ETS2: variants seen among roughly 807,000 people sequenced by gnomAD.
ETS2 encodes ETS proto-oncogene 2, transcription factor.
ETS2 carries 19 observed loss-of-function variants against 54.9 expected under a neutral mutation model. The ratio of observed to expected loss-of-function variants is 0.35; its 90% CI spans 0.24 to 0.51. ETS2 has a LOEUF of 0.51. ETS2 is among the 20% of genes least tolerant of loss of function. The probability of loss-of-function intolerance (pLI) is 0.97; values close to 1 mark genes in which losing one functional copy is unlikely to be tolerated. For synonymous variants in ETS2, 219 were observed against 229.3 expected (o/e 0.95, Z 0.41); for missense variants, 417 against 593.0 (o/e 0.70, Z 3.08).
intron 8 of ETS2, among the ~76,000 whole-genome samples, chr21:38,820,252 C>T (rs1014216541): frequency 2.0e-5 from 3 of 152,188 alleles, no homozygotes; most frequent in African/African-American, 7.2e-5. Flanking sequence ...TTTTTAGAAA[C>T]AGGTATTTCC....
At position 38,821,603 on chromosome 21, in the gene ETS2, C is replaced by T; in HGVS notation, c.1093C>T (p.Leu365=). The T allele has an allele frequency of 6.2e-7, 1 of 1,613,414 alleles. No homozygotes were observed. The highest frequency in any genetic ancestry group is 1.1e-5 in the South Asian group (1 of 91,068). ...AGFTGSGPIQ[L]WQFLLELLSD... is the part of the protein sequence containing the mutation. ...CCCCGCAGGAAGTGGACCTATTCAG[C>T]TGTGGCAGTTTCTCCTGGAGCTGCT... The change falls in exon 9 of 10, where the codon CTG becomes TTG. Residue 365 remains leucine, a synonymous_variant. Coordinates refer to ENST00000360938, the MANE Select transcript of ETS2 (RefSeq NM_005239.6). This position sits in a 1 kb window ranked among gnomAD's most constrained non-coding sequence, Gnocchi z 4.2.
intron 2 of ETS2, 32 bp downstream of exon 2, chr21:38,810,138 A>G: frequency 7.5e-7 from 1 of 1,336,692 alleles, no homozygotes; most frequent in Admixed American, 2.7e-5. Context: ...TTTTTTTTTA[A>G]TTGGAAAACT....
At chr21:38,822,635 A>C (rs1234149009) in intron 9 of ETS2, 39 bp from the exon 10 acceptor site, 6 of 1,537,758 alleles carry the variant, frequency 3.9e-6, no homozygotes, top group Non-Finnish European at 5.4e-6. Context: ...CTTCATTGAC[A>C]AATTGAGTTT....
intron 7 of ETS2, among the ~76,000 whole-genome samples, chr21:38,819,107 G>A (rs1021185265): frequency 6.6e-5 from 10 of 152,156 alleles, no homozygotes; most frequent in African/African-American, 1.9e-4. Flanking sequence ...AGAAGGGAAC[G>A]ATTCTGACTT....
chr21:38,809,853 G>A, intron 1 of ETS2, 182 bp from the exon 2 acceptor site: 1 of 534,594 alleles, frequency 1.9e-6, no homozygotes, highest in Non-Finnish European at 3.3e-6. Context: ...TTGTGATACT[G>A]AGAAATGCTT....
intron 9 of ETS2, 41 bp from the exon 10 acceptor site, chr21:38,822,633 A>G (rs766129241): frequency 6.5e-7 from 1 of 1,530,530 alleles, no homozygotes. Flanking sequence ...TTCTTCATTG[A>G]CAAATTGAGT....
chr21:38,813,297 G>A (rs2060920708), intron 3 of ETS2, among the ~76,000 whole-genome samples, 183 bp downstream of exon 3: 1 of 152,188 alleles, frequency 6.6e-6, no homozygotes, highest in Admixed American at 6.5e-5. Flanking sequence ...TTCTGATGTG[G>A]ATTCTGATGT....
At chr21:38,822,390 C>T (rs1048491348) in intron 9 of ETS2, among the ~76,000 whole-genome samples, 1 of 152,208 alleles carries the variant, frequency 6.6e-6, no homozygotes, top group Non-Finnish European at 1.5e-5. Context: ...TCTCAGGACC[C>T]TCCTGGCTCT....
intron 2 of ETS2, among the ~76,000 whole-genome samples, chr21:38,811,380 T>A (rs561408342): frequency 6.6e-6 from 1 of 152,228 alleles, no homozygotes; most frequent in African/African-American, 2.4e-5. Context: ...CAGTTGGTCA[T>A]CATTGACTTG....
At position 38,806,134 on chromosome 21, in the gene ETS2, C is replaced by G; in HGVS notation, c.-1+14C>G. ...CGCAGCGGCAGGGTAAGAGCTGGGC[C>G]CGCAGAGAGCGCCCGGCGCGCGGCT... is the stretch of plus-strand genomic sequence containing the variant. On this transcript the variant is annotated intron_variant, in intron 1 of 9. Coordinates refer to ENST00000360938, the MANE Select transcript of ETS2 (RefSeq NM_005239.6). The surrounding 1 kb of genome is among the most constrained non-coding windows in gnomAD (Gnocchi z 4.3). 3.0e-6 allele frequency: 3 copies of G among 1,013,772 alleles called. No homozygotes were observed. The highest frequency in any genetic ancestry group is 3.5e-6 in the Non-Finnish European group (3 of 847,588). The allele number at this position is 1,013,772 out of a possible 1,614,324, so 62.8% of individuals were successfully genotyped here.
In ETS2 at chr21:38,819,597, G is replaced by A. The variant is rs1450207146; in HGVS notation, c.906G>A (p.Leu302=). ...AGTCCTGGAACAGCCAGTCGTCCTTGCTGGATGTGCAACGGGTTCCTTCCT... is the reference window on the plus strand; with the variant it reads ...AGTCCTGGAACAGCCAGTCGTCCTTACTGGATGTGCAACGGGTTCCTTCCT... ...LLQSWNSQSS[L]LDVQRVPSFE... is the part of the protein sequence containing the mutation. The change falls in exon 8 of 10, where the codon TTG becomes TTA. Residue 302 remains leucine, a synonymous_variant. Transcript: ENST00000360938. 5.6e-6 allele frequency: 9 copies of A among 1,614,094 alleles called. No individual in the cohort carries two copies. The highest frequency in any genetic ancestry group is 7.6e-6 in the Non-Finnish European group (9 of 1,180,040).
At position 38,821,112 on chromosome 21, in the gene ETS2, G is replaced by T. The variant is rs535157069; in HGVS notation, c.1076-474G>T. On this transcript the variant is annotated intron_variant, in intron 8 of 9. Transcript: ENST00000360938. This position sits in a 1 kb window ranked among gnomAD's most constrained non-coding sequence, Gnocchi z 4.2. ...CAATTTACACATGGTCATTTGGCAGGAAGGTGGCATGGGATCCCACGTATG... is the reference window on the plus strand; with the variant it reads ...CAATTTACACATGGTCATTTGGCAGTAAGGTGGCATGGGATCCCACGTATG... Among the ~76,000 whole-genome samples the T allele has an allele frequency of 6.6e-6, 1 of 152,298 alleles. No individual in the cohort carries two copies. The highest frequency in any genetic ancestry group is 2.1e-4 in the South Asian group (1 of 4,828).
chr21:38,810,106 G>A lies in ETS2; in HGVS notation c.72G>A (p.Lys24=). The A allele has an allele frequency of 6.6e-7, 1 of 1,521,776 alleles. No homozygotes were observed. The highest frequency in any genetic ancestry group is 8.8e-7 in the Non-Finnish European group (1 of 1,139,598). The allele number at this position is 1,521,776 out of a possible 1,614,324, so 94.3% of individuals were successfully genotyped here. The change falls in exon 2 of 10, where the codon AAG becomes AAA. Residue 24 remains lysine, a splice_region_variant and synonymous_variant. Coordinates refer to ENST00000360938, the MANE Select transcript of ETS2 (RefSeq NM_005239.6). ...PVANSYRGTL[K]RQPAFDTFDG... The stretch of plus-strand genomic sequence containing the variant: ...CTAACAGTTACAGAGGGACACTCAA[G>A]GTGAGTGGGCAAGTCTTAATTTTTT...
intron 1 of ETS2, among the ~76,000 whole-genome samples, chr21:38,808,826 C>T (rs1451701990): frequency 1.3e-5 from 2 of 152,196 alleles, no homozygotes; most frequent in Non-Finnish European, 2.9e-5. Flanking sequence ...CAGTGGAGGC[C>T]ATGGAGCTAG....
rs2060938478 is a variant in ETS2 at position 38,817,087 on chromosome 21, A to G, written c.585A>G (p.Thr195=). 6.3e-7 allele frequency: 1 copy of G among 1,592,146 alleles called. No individual in the cohort carries two copies. The highest frequency in any genetic ancestry group is 1.7e-5 in the Admixed American group (1 of 59,946). ...TSVPHWINSN[T]LGFGTEQAPY... is the part of the protein sequence containing the mutation. ...TTCCTCATTGGATTAACAGCAATAC[A>G]TTAGGTCAGTCCGATTGATTCTGCC... is the stretch of plus-strand genomic sequence containing the variant. The change falls in exon 6 of 10, where the codon ACA becomes ACG. Residue 195 remains threonine, a synonymous_variant. Transcript: ENST00000360938.
rs528996428 is a variant in ETS2, at chr21:38,814,221, C to T, written c.185-52C>T. The stretch of plus-strand genomic sequence containing the variant: ...TAAGATGTCTCTCCTAAATCTCCAC[C>T]TGATATCACCAACTTGAAGTCCTAA... On this transcript the variant is annotated intron_variant, in intron 3 of 9. Transcript: ENST00000360938. The surrounding 1 kb of genome is among the most constrained non-coding windows in gnomAD (Gnocchi z 4.2). 1.9e-6 allele frequency: 3 copies of T among 1,583,870 alleles called. No homozygotes were observed. Among genetic ancestry groups the T allele is most frequent in the Admixed American group, 3.5e-5 (2 of 56,910 alleles).
chr21:38,805,521 A>G, upstream of ETS2: 7 of 1,287,148 alleles, frequency 5.4e-6, no homozygotes, highest in Non-Finnish European at 7.1e-6. This position sits in a 1 kb window ranked among gnomAD's most constrained non-coding sequence, Gnocchi z 5.2. Context: ...CCCAGGGCGC[A>G]CACTCGCGCG....
At chr21:38,819,826 C>T (rs1482285722) in intron 8 of ETS2, 60 bp downstream of exon 8, 2 of 1,526,398 alleles carry the variant, frequency 1.3e-6, no homozygotes, top group Non-Finnish European at 1.8e-6. Context: ...CCCTTGCTTC[C>T]TTTCGAGCCA....
chr21:38,823,177 T>C lies in ETS2; in HGVS notation c.*288T>C. 3.6e-6 allele frequency: 1 copy of C among 279,618 alleles called. No homozygotes were observed. Among genetic ancestry groups the C allele is most frequent in the Non-Finnish European group, 6.6e-6 (1 of 150,480 alleles). 17.3% of individuals were successfully genotyped at this position (279,618 alleles called of 1,614,324 possible). On this transcript the variant is annotated 3_prime_UTR_variant, in exon 10 of 10. Coordinates refer to ENST00000360938, the MANE Select transcript of ETS2 (RefSeq NM_005239.6). ...CCTGGCAGTCCGTGGGACGGGATGGTTCTGGCTGTTTGAGATTCTCAAAGG... is the reference window on the plus strand; with the variant it reads ...CCTGGCAGTCCGTGGGACGGGATGGCTCTGGCTGTTTGAGATTCTCAAAGG...
Sources: allele counts gnomAD v4.1 joint callset (sites outside exome capture counted in the v4.1 genomes callset), GRCh38; gene constraint gnomAD v4.1.1; non-coding constraint Gnocchi (gnomAD v3.1); transcripts MANE v1.5; gene names NCBI Gene and HGNC (gene_info 2026-07-23, HGNC 2026-07-21).